Variants in PLCXD3 observed in about 807,000 individuals in gnomAD.
PLCXD3 encodes the protein phosphatidylinositol specific phospholipase C X domain containing 3.
Under a neutral mutation model 25.5 loss-of-function variants are expected in PLCXD3, and 19 were observed. The ratio of observed to expected loss-of-function variants is 0.75; its 90% CI spans 0.52 to 1.09. The LOEUF (loss-of-function observed/expected upper bound fraction) is 1.09, where lower values mean the gene tolerates loss of function less well. PLCXD3 is among the 50% of genes least tolerant of loss of function. The pLI, the probability that PLCXD3 is intolerant of heterozygous loss-of-function variation, is 0.00. For synonymous variants in PLCXD3, 174 were observed against 137.6 expected, an observed-to-expected ratio of 1.26 and a Z score of -1.85; for missense variants, 411 against 388.1, an observed-to-expected ratio of 1.06 and a Z score of -0.50.
chr5:41,318,156 TCAATCCCAGACCCGCCCCA>T (rs1234152770), intron 2 of PLCXD3, among the ~76,000 whole-genome samples: 1 of 152,068 alleles, frequency 6.6e-6, no homozygotes. Context: ...AGGGATTTCA[TCAATCCCAGACCCGCCCCA>T]CAAGAAATGT....
At chr5:41,429,073 A>G (rs1747033598) in intron 1 of PLCXD3, among the ~76,000 whole-genome samples, 2 of 152,190 alleles carry the variant, frequency 1.3e-5, no homozygotes, top group African/African-American at 4.8e-5. Context: ...GGATGTATCC[A>G]AGAAGCCAAA....
Position 41,381,877 on chromosome 5 carries a change from C to A in PLCXD3, c.761G>T (p.Ser254Ile). The change falls in exon 2 of 3, where the codon AGC becomes ATC. Residue 254 changes from serine to isoleucine, a missense_variant. Physicochemically the swap from Ser to Ile is moderately radical, Grantham distance 142. Transcript: ENST00000377801. ...ISQVVLTPKA[S>I]TVVKGVASGL... Reference sequence around the variant, plus strand: ...ACTTGCCACCCCTTTGACCACAGTGCTAGCTTTGGGGGTCAGCACCACCTG... The same window carrying A: ...ACTTGCCACCCCTTTGACCACAGTGATAGCTTTGGGGGTCAGCACCACCTG... 6.2e-7 allele frequency: 1 copy of A among 1,612,968 alleles called. No homozygotes were observed.
intron 2 of PLCXD3, among the ~76,000 whole-genome samples, chr5:41,323,138 C>T (rs998193924): frequency 2.6e-5 from 4 of 152,016 alleles, no homozygotes; most frequent in Non-Finnish European, 2.9e-5. Flanking sequence ...AAATATCACA[C>T]GTTGTCACTT....
intron 1 of PLCXD3, among the ~76,000 whole-genome samples, chr5:41,459,494 A>G (rs528371228): frequency 6.6e-6 from 1 of 152,038 alleles, no homozygotes; most frequent in African/African-American, 2.4e-5. Flanking sequence ...GCTAATTTTT[A>G]AAGATTTGTA....
chr5:41,387,966 A>G lies in PLCXD3; in HGVS notation c.104-5432T>C, dbSNP rs370259022. Among the ~76,000 whole-genome samples the G allele has an allele frequency of 1.9e-3, 293 of 152,250 alleles. 3 individuals are homozygous for G. The highest frequency in any genetic ancestry group is 5.4e-3 in the South Asian group (26 of 4,832). ...ATTATTAATATCAATGGGCTTATGC[A>G]AATAATTTTTAAAGAACTAGACTAA... On this transcript the variant is annotated intron_variant, in intron 1 of 2. Coordinates refer to ENST00000377801, the MANE Select transcript of PLCXD3 (RefSeq NM_001005473.3).
At chr5:41,376,884 T>C (rs1745313083) in intron 2 of PLCXD3, among the ~76,000 whole-genome samples, 2 of 152,134 alleles carry the variant, frequency 1.3e-5, no homozygotes, top group Admixed American at 6.6e-5. Context: ...AAGGATTAAA[T>C]TGAACTCGGT....
At chr5:41,491,040 T>C (rs1257059721) in intron 1 of PLCXD3, among the ~76,000 whole-genome samples, 1 of 152,236 alleles carries the variant, frequency 6.6e-6, no homozygotes, top group Non-Finnish European at 1.5e-5. Flanking sequence ...TTGTCAATTT[T>C]GGATCTTTCC....
chr5:41,497,700 C>A (rs73081512), intron 1 of PLCXD3, among the ~76,000 whole-genome samples: 1,726 of 151,902 alleles, frequency 0.011, 29 homozygotes, highest in African/African-American at 0.039. Flanking sequence ...ATATACAGAA[C>A]ATTTCATTTA....
At chr5:41,500,135 C>G (rs1405096959) in intron 1 of PLCXD3, among the ~76,000 whole-genome samples, 2 of 151,878 alleles carry the variant, frequency 1.3e-5, no homozygotes, top group East Asian at 3.9e-4. Context: ...TATCTCCGCA[C>G]TATTCATAAT....
At chr5:41,476,649 C>T (rs6451577) in intron 1 of PLCXD3, among the ~76,000 whole-genome samples, 3,498 of 152,228 alleles carry the variant, frequency 0.023, 128 homozygotes, top group African/African-American at 0.075. Flanking sequence ...GTGCTTTTTT[C>T]CCCCTGATTT....
intron 1 of PLCXD3, among the ~76,000 whole-genome samples, chr5:41,403,409 T>TTTTTTTTTGTTTTTG (rs1367034160): frequency 5.0e-5 from 2 of 39,666 alleles, no homozygotes; most frequent in African/African-American, 8.8e-5. Context: ...TTGTTTTTTT[T>TTTTTTTTTGTTTTTG]TTTTTTTATT....
chr5:41,446,198 AAAAG>A (rs1462026874), intron 1 of PLCXD3, among the ~76,000 whole-genome samples: 7 of 148,728 alleles, frequency 4.7e-5, no homozygotes, highest in Non-Finnish European at 7.4e-5. Flanking sequence ...AAAAAAAAAA[AAAAG>A]AACAACGAGA....
chr5:41,360,574 T>C (rs1744743036), intron 2 of PLCXD3, among the ~76,000 whole-genome samples: 1 of 152,226 alleles, frequency 6.6e-6, no homozygotes, highest in Non-Finnish European at 1.5e-5. Context: ...GTTCTTCCTC[T>C]TCCCCTAAGA....
intron 2 of PLCXD3, among the ~76,000 whole-genome samples, chr5:41,349,016 G>T (rs1427151009): frequency 6.6e-6 from 1 of 152,136 alleles, no homozygotes; most frequent in Non-Finnish European, 1.5e-5. Context: ...AAAATTTCTG[G>T]ATGATTTTAA....
rs751131624 is a variant in PLCXD3, at chr5:41,440,249, T to TTTTTTTTTTTTTTTTTTG, written c.104-57716_104-57715insCAAAAAAAAAAAAAAAAA. Reference sequence around the variant, plus strand: ...TTTTTTTTTTTTTTTTTTTTTTTTTTTTAGTCAGAGTCTCACTGTGTCACC... The same window carrying TTTTTTTTTTTTTTTTTTG: ...TTTTTTTTTTTTTTTTTTTTTTTTTTTTTTTTTTTTTTTTTTTGTTAGTCAGAGTCTCACTGTGTCACC... On this transcript the variant is annotated intron_variant, in intron 1 of 2. Coordinates refer to ENST00000377801, the MANE Select transcript of PLCXD3 (RefSeq NM_001005473.3). 1.9e-3 allele frequency among the ~76,000 whole-genome samples: 194 copies of TTTTTTTTTTTTTTTTTTG among 100,378 alleles called. 23 individuals carry two copies. The highest frequency in any genetic ancestry group is 2.4e-3 in the East Asian group (7 of 2,884). The allele number at this position is 100,378 out of a possible 152,430, so 65.9% of individuals were successfully genotyped here.
At chr5:41,355,941 C>T (rs1404138943) in intron 2 of PLCXD3, among the ~76,000 whole-genome samples, 1 of 152,064 alleles carries the variant, frequency 6.6e-6, no homozygotes, top group Non-Finnish European at 1.5e-5. Context: ...TAAACTTTAA[C>T]TTATATGAAA....
intron 1 of PLCXD3, among the ~76,000 whole-genome samples, chr5:41,455,546 C>A (rs1286152346): frequency 6.6e-6 from 1 of 151,724 alleles, no homozygotes; most frequent in Non-Finnish European, 1.5e-5. Context: ...ACTAAAGAAC[C>A]CAGAAACTGA....
chr5:41,339,060 T>C (rs530631567), intron 2 of PLCXD3, among the ~76,000 whole-genome samples: 4 of 152,214 alleles, frequency 2.6e-5, no homozygotes, highest in Admixed American at 1.3e-4. Flanking sequence ...TCTTCTGCAG[T>C]GAGTGGCAGG....
chr5:41,334,944 G>A (rs749259969), intron 2 of PLCXD3, among the ~76,000 whole-genome samples: 1 of 152,130 alleles, frequency 6.6e-6, no homozygotes, highest in Non-Finnish European at 1.5e-5. Flanking sequence ...GGGAATGAAA[G>A]AATAAAGAAA....
Sources: allele counts gnomAD v4.1 joint callset (sites outside exome capture counted in the v4.1 genomes callset), GRCh38; gene constraint gnomAD v4.1.1; transcripts MANE v1.5; gene names NCBI Gene and HGNC (gene_info 2026-07-23, HGNC 2026-07-21).